EPHA5: variants seen among roughly 807,000 people sequenced by gnomAD.
EPHA5 encodes the protein ephrin type-A receptor 5.
In EPHA5, 60 loss-of-function variants were observed where a neutral mutation model predicts 105.0. The observed-to-expected ratio is 0.57, with a 90% CI of 0.46 to 0.71. The LOEUF is 0.71. Ranked by LOEUF, EPHA5 falls within the 30% of genes least tolerant of loss-of-function variation. The pLI is 0.00. For synonymous variants in EPHA5, 513 were observed against 449.1 expected (o/e 1.14, Z -1.80); for missense variants, 1,218 against 1,274.7 (o/e 0.96, Z 0.68).
chr4:65,507,209 C>T (rs1370782742), intron 3 of EPHA5, among the ~76,000 whole-genome samples: 2 of 152,116 alleles, frequency 1.3e-5, no homozygotes, highest in Middle Eastern at 3.4e-3. Context: ...GGGCTCTGTT[C>T]TGTTCCATTG....
At chr4:65,532,300 A>G (rs930589744) in intron 3 of EPHA5, among the ~76,000 whole-genome samples, 1 of 152,220 alleles carries the variant, frequency 6.6e-6, no homozygotes, top group East Asian at 1.9e-4. Context: ...AAAGCTTCTC[A>G]TAATTTCACA....
intron 8 of EPHA5, among the ~76,000 whole-genome samples, chr4:65,376,292 T>A (rs754430489): frequency 3.3e-5 from 5 of 151,968 alleles, no homozygotes; most frequent in Non-Finnish European, 7.4e-5. Flanking sequence ...TTATCTGGAG[T>A]ATTTCACTTT....
chr4:65,569,339 T>C (rs1739881784), intron 3 of EPHA5, among the ~76,000 whole-genome samples: 1 of 151,656 alleles, frequency 6.6e-6, no homozygotes, highest in Non-Finnish European at 1.5e-5. Context: ...CTAAGTGTTC[T>C]TTTAAAAGAA....
Position 65,669,617 on chromosome 4 carries a change from C to T in EPHA5, c.126G>A (p.Thr42=), listed in dbSNP as rs750393876. 2.1e-6 allele frequency: 3 copies of T among 1,424,908 alleles called. No homozygotes were observed. In the Admixed American group the frequency reaches 7.6e-5, roughly 36 times the overall value. 88.3% of individuals were successfully genotyped at this position (1,424,908 alleles called of 1,614,324 possible). The change falls in exon 1 of 17, where the codon ACG becomes ACA. Residue 42 remains threonine (T), a synonymous_variant. Transcript: ENST00000613740. ...GGAGTGCGGCGCACAGGAGAAGGCA[C>T]GTCCAGAGGGGAGCCCGTCGAGGTG... ...YSAPRRAPLW[T]CLLLCAALRT...
At chr4:65,658,754 C>A (rs1749286761) in intron 1 of EPHA5, among the ~76,000 whole-genome samples, 1 of 151,982 alleles carries the variant, frequency 6.6e-6, no homozygotes, top group African/African-American at 2.4e-5. Context: ...GGTTCCTGAG[C>A]CCGTGTTTTT....
At chr4:65,329,809 CTT>C (rs5858950) in intron 16 of EPHA5, among the ~76,000 whole-genome samples, 12,198 of 137,398 alleles carry the variant, frequency 0.089, 539 homozygotes, top group Middle Eastern at 0.16. Flanking sequence ...CAATGACTGA[CTT>C]TTTTTTTTTT....
At chr4:65,554,948 A>G (rs1738262145) in intron 3 of EPHA5, among the ~76,000 whole-genome samples, 2 of 147,162 alleles carry the variant, frequency 1.4e-5, no homozygotes, top group South Asian at 2.2e-4. Flanking sequence ...ACTTCTAGCT[A>G]TAAAATGTTA....
At chr4:65,391,434 A>G (rs1402739510) in intron 8 of EPHA5, among the ~76,000 whole-genome samples, 5 of 152,120 alleles carry the variant, frequency 3.3e-5, no homozygotes, top group African/African-American at 7.2e-5. Context: ...CAGATCTTGA[A>G]CAAATGTGGC....
At chr4:65,481,542 A>C (rs1055820238) in intron 5 of EPHA5, among the ~76,000 whole-genome samples, 2 of 152,208 alleles carry the variant, frequency 1.3e-5, no homozygotes, top group African/African-American at 2.4e-5. Context: ...TCCATACTTT[A>C]TTTAAGGTGG....
chr4:65,417,943 G>GA (rs146657339), intron 6 of EPHA5, among the ~76,000 whole-genome samples: 2 of 151,544 alleles, frequency 1.3e-5, no homozygotes, highest in South Asian at 2.1e-4. Context: ...TTCATAAGGG[G>GA]AAAAAAAATA....
At chr4:65,326,299 C>A (rs535186350) in intron 16 of EPHA5, among the ~76,000 whole-genome samples, 1 of 150,958 alleles carries the variant, frequency 6.6e-6, no homozygotes, top group Non-Finnish European at 1.5e-5. Flanking sequence ...TATCAGGTAC[C>A]TGAAAACCAA....
intron 2 of EPHA5, among the ~76,000 whole-genome samples, chr4:65,614,515 G>A (rs1308925984): frequency 6.6e-6 from 1 of 151,806 alleles, no homozygotes; most frequent in Admixed American, 6.6e-5. Context: ...TCTGTTTGCT[G>A]TATCTGATAG....
intron 11 of EPHA5, among the ~76,000 whole-genome samples, chr4:65,356,468 T>G (rs1316494489): frequency 6.6e-6 from 1 of 151,466 alleles, no homozygotes; most frequent in Non-Finnish European, 1.5e-5. Context: ...TTATTAACAC[T>G]GAATAGTATA....
At chr4:65,641,483 G>A (rs901164556) in intron 2 of EPHA5, among the ~76,000 whole-genome samples, 3 of 151,830 alleles carry the variant, frequency 2.0e-5, no homozygotes, top group African/African-American at 7.3e-5. Flanking sequence ...TTTCACCTAC[G>A]ATTATGTTGC....
At chr4:65,611,993 G>A in intron 2 of EPHA5, among the ~76,000 whole-genome samples, 1 of 132,418 alleles carries the variant, frequency 7.6e-6, no homozygotes, top group East Asian at 2.3e-4. Context: ...CTCCAGCCTG[G>A]GCGATAGAGC....
intron 3 of EPHA5, among the ~76,000 whole-genome samples, chr4:65,527,385 AC>A (rs1428093498): frequency 2.0e-5 from 3 of 152,142 alleles, no homozygotes; most frequent in Non-Finnish European, 4.4e-5. Flanking sequence ...AAAGTTTGAA[AC>A]CAACAAAACA....
intron 3 of EPHA5, among the ~76,000 whole-genome samples, chr4:65,599,865 C>A (rs779781171): frequency 6.6e-6 from 1 of 152,102 alleles, no homozygotes; most frequent in Non-Finnish European, 1.5e-5. Context: ...CAGAACGCTG[C>A]CTCCCAGGAT....
intron 5 of EPHA5, among the ~76,000 whole-genome samples, chr4:65,441,765 T>C (rs914991186): frequency 1.3e-5 from 2 of 152,096 alleles, no homozygotes; most frequent in Non-Finnish European, 2.9e-5. Flanking sequence ...ATTTGGAAAT[T>C]GAAGGTATCA....
At chr4:65,463,304 A>G (rs951256594) in intron 5 of EPHA5, among the ~76,000 whole-genome samples, 1 of 152,178 alleles carries the variant, frequency 6.6e-6, no homozygotes, top group African/African-American at 2.4e-5. Context: ...CTTATGAAGT[A>G]TATCTCTTAT....
Sources: gnomAD v4.1 joint callset for allele counts (sites outside exome capture counted in the v4.1 genomes callset) on GRCh38, gnomAD v4.1.1 for gene constraint, MANE v1.5 for transcripts, NCBI Gene and HGNC (gene_info 2026-07-23, HGNC 2026-07-21) for gene names.